The following NTM variants were observed in gnomAD, a reference collection of about 807,000 sequenced individuals.
The protein encoded by NTM is neurotrimin, also known as IgLON family member 2.
Under a neutral mutation model 42.1 loss-of-function variants are expected in NTM, and 13 were observed. The observed-to-expected ratio is 0.31, with a 90% CI of 0.20 to 0.49. NTM has a LOEUF of 0.49. Among genes scored for constraint, NTM ranks in the 20% least tolerant of loss-of-function variants. NTM has a pLI of 0.99. For synonymous variants in NTM, 187 were observed against 179.2 expected, an observed-to-expected ratio of 1.04 and a Z score of -0.35; for missense variants, 373 against 452.8, an observed-to-expected ratio of 0.82 and a Z score of 1.60.
chr11:131,397,603 C>A (rs575239838), intron 1 of NTM, among the ~76,000 whole-genome samples: 1 of 152,342 alleles, frequency 6.6e-6, no homozygotes, highest in East Asian at 1.9e-4. Context: ...CGTGTCCTAT[C>A]AGTTCTCCTG....
chr11:131,576,163 C>T (rs1565657319), intron 1 of NTM, among the ~76,000 whole-genome samples: 1 of 152,108 alleles, frequency 6.6e-6, no homozygotes, highest in Non-Finnish European at 1.5e-5. Context: ...GACCCAGCCC[C>T]CAGACCATAA....
chr11:131,441,854 A>T (rs1949651627), intron 1 of NTM, among the ~76,000 whole-genome samples: 1 of 152,150 alleles, frequency 6.6e-6, no homozygotes, highest in African/African-American at 2.4e-5. Context: ...GCTGGTGCTG[A>T]TGACTTACTT....
intron 1 of NTM, among the ~76,000 whole-genome samples, chr11:131,463,257 G>A (rs1467887697): frequency 6.6e-6 from 1 of 152,232 alleles, no homozygotes; most frequent in East Asian, 1.9e-4. Flanking sequence ...AGCTCCTGGT[G>A]CTGCCTTAAA....
In NTM at chr11:131,692,594, A is replaced by G. The variant is rs187950411; in HGVS notation, c.83-218970A>G. 6.6e-4 allele frequency among the ~76,000 whole-genome samples: 100 copies of G among 152,340 alleles called. No homozygotes were observed. The East Asian group carries it at 0.017, about 26-fold the overall frequency. On this transcript the variant is annotated intron_variant, in intron 1 of 8. Transcript: ENST00000683400. The stretch of plus-strand genomic sequence containing the variant: ...ATGAGAGTAGACAGAGGAAAGAGAG[A>G]GCGTTTCCATTTTGGCATCTGGGCC...
At chr11:131,603,475 C>T (rs144993089) in intron 1 of NTM, among the ~76,000 whole-genome samples, 264 of 152,116 alleles carry the variant, frequency 1.7e-3, no homozygotes, top group African/African-American at 6.1e-3. Context: ...TACTGCCATC[C>T]CAGATTTATT....
chr11:132,224,451 G>C (rs947474917), intron 4 of NTM, among the ~76,000 whole-genome samples: 1 of 152,066 alleles, frequency 6.6e-6, no homozygotes, highest in Non-Finnish European at 1.5e-5. Flanking sequence ...ATGATGTTAG[G>C]GGAGCAGGAG....
intron 3 of NTM, among the ~76,000 whole-genome samples, chr11:132,158,259 G>A (rs952399936): frequency 6.6e-6 from 1 of 152,152 alleles, no homozygotes; most frequent in Non-Finnish European, 1.5e-5. Flanking sequence ...GATACACCAA[G>A]GTGGCCTCCT....
At chr11:131,612,757 C>A (rs962483302) in intron 1 of NTM, among the ~76,000 whole-genome samples, 13 of 152,238 alleles carry the variant, frequency 8.5e-5, no homozygotes, top group African/African-American at 2.9e-4. Flanking sequence ...GTTGGCCCAG[C>A]CACACCAGTT....
chr11:131,759,565 A>G (rs555949931), intron 1 of NTM, among the ~76,000 whole-genome samples: 2 of 151,740 alleles, frequency 1.3e-5, no homozygotes, highest in South Asian at 2.1e-4. Flanking sequence ...TAACAATGCT[A>G]TTTTCCTGGA....
At chr11:131,903,627 T>C (rs2053467449) in intron 1 of NTM, among the ~76,000 whole-genome samples, 1 of 152,204 alleles carries the variant, frequency 6.6e-6, no homozygotes, top group South Asian at 2.1e-4. Flanking sequence ...GCTATTTCTG[T>C]GCAGGAAGGA....
chr11:131,727,887 C>T (rs948208494), intron 1 of NTM, among the ~76,000 whole-genome samples: 1 of 152,178 alleles, frequency 6.6e-6, no homozygotes, highest in Non-Finnish European at 1.5e-5. Flanking sequence ...TGATATATAG[C>T]ATGCGTTAAA....
intron 4 of NTM, among the ~76,000 whole-genome samples, chr11:132,299,361 TAGTGAACATGGAAGTTGTTTGAGGA>T (rs571498702): frequency 6.2e-4 from 94 of 152,220 alleles, no homozygotes; most frequent in African/African-American, 2.1e-3. Flanking sequence ...GCAAAGGGTA[TAGTGAACATGGAAGTTGTTTGAGGA>T]AGGGAACATG....
At chr11:131,380,006 G>C (rs1021166266) in intron 1 of NTM, among the ~76,000 whole-genome samples, 3 of 151,996 alleles carry the variant, frequency 2.0e-5, no homozygotes, top group African/African-American at 7.2e-5. Context: ...AAATCCTAAG[G>C]GTCTGTCCTC....
rs374400028 is a variant in NTM at position 132,193,511 on chromosome 11, A to AG, written c.401-18511_401-18510insG. Among the ~76,000 whole-genome samples the AG allele has an allele frequency of 3.9e-4, 60 of 152,218 alleles. 3 individuals carry two copies. Among genetic ancestry groups the AG allele is most frequent in the African/African-American group, 1.4e-3 (58 of 41,572 alleles). On this transcript the variant is annotated intron_variant, in intron 3 of 8. Coordinates refer to ENST00000683400, the MANE Select transcript of NTM (RefSeq NM_001352005.2). ...ATCAGAATATTTGGGACATAGTTAAACAGTGTTAAAAGGAAAGTTTATAGT... is the reference window on the plus strand; with the variant it reads ...ATCAGAATATTTGGGACATAGTTAAAGCAGTGTTAAAAGGAAAGTTTATAGT...
At chr11:131,701,640 G>C (rs958009207) in intron 1 of NTM, among the ~76,000 whole-genome samples, 2 of 152,178 alleles carry the variant, frequency 1.3e-5, no homozygotes, top group Non-Finnish European at 2.9e-5. Context: ...TTCTGGAAAA[G>C]TATATTCCTC....
At chr11:131,480,461 G>A (rs1953454258) in intron 1 of NTM, among the ~76,000 whole-genome samples, 1 of 152,128 alleles carries the variant, frequency 6.6e-6, no homozygotes, top group Admixed American at 6.5e-5. Flanking sequence ...TCCTCCCTCT[G>A]AGCAAACTGA....
chr11:131,769,602 T>C (rs2085705038), intron 1 of NTM: 1 of 982,594 alleles, frequency 1.0e-6, no homozygotes, highest in Non-Finnish European at 1.2e-6. Context: ...AATGCTGTCC[T>C]GCATGAGCTC....
chr11:131,683,896 C>T (rs975839203), intron 1 of NTM, among the ~76,000 whole-genome samples: 1 of 152,078 alleles, frequency 6.6e-6, no homozygotes, highest in African/African-American at 2.4e-5. Context: ...CTTTGTGAGG[C>T]GCTGATCTGC....
intron 1 of NTM, among the ~76,000 whole-genome samples, chr11:131,672,442 C>G (rs1034319488): frequency 2.6e-4 from 39 of 152,206 alleles, no homozygotes; most frequent in African/African-American, 9.2e-4. Context: ...CTGTGTGGCT[C>G]TGCAGCTCCG....
Sources: gnomAD v4.1 joint callset for allele counts (sites outside exome capture counted in the v4.1 genomes callset) on GRCh38, gnomAD v4.1.1 for gene constraint, MANE v1.5 for transcripts, NCBI Gene and HGNC (gene_info 2026-07-23, HGNC 2026-07-21) for gene names.